PRKN: variants seen among roughly 807,000 people sequenced by gnomAD.
PRKN encodes the protein parkin RBR E3 ubiquitin protein ligase.
A neutral mutation model predicts 59.5 loss-of-function variants in PRKN; 56 were observed. The ratio of observed to expected loss-of-function variants is 0.94; its 90% CI spans 0.76 to 1.18. The LOEUF (loss-of-function observed/expected upper bound fraction) is 1.18. Ranked by LOEUF, PRKN falls within the 50% of genes most tolerant of loss-of-function variation. The pLI is 0.00. For missense variants in PRKN, 657 were observed against 596.4 expected, an observed-to-expected ratio of 1.10 and a Z score of -1.06; for synonymous variants, 250 against 222.1, an observed-to-expected ratio of 1.13 and a Z score of -1.12.
intron 1 of PRKN, among the ~76,000 whole-genome samples, chr6:162,586,749 CAT>C (rs1371614421): frequency 6.7e-6 from 1 of 149,934 alleles, no homozygotes; most frequent in Admixed American, 6.7e-5. Context: ...GTTCTGTAAA[CAT>C]GTGTTTGAAG....
intron 1 of PRKN, among the ~76,000 whole-genome samples, chr6:162,513,373 G>A (rs1302053587): frequency 3.3e-5 from 5 of 151,990 alleles, no homozygotes; most frequent in African/African-American, 7.3e-5. Flanking sequence ...CAGGTACTCC[G>A]GAGGCTGAGG....
At position 161,363,486 on chromosome 6, in the gene PRKN, G is replaced by A. The variant is rs963386926; in HGVS notation, c.1168-3281C>T. Among the ~76,000 whole-genome samples the A allele has an allele frequency of 1.3e-5, 2 of 152,144 alleles. No individual in the cohort carries two copies. The highest frequency in any genetic ancestry group is 4.8e-5 in the African/African-American group (2 of 41,426). ...GAGAATTTGTGAACTGAAAGATGGAGCTGAAGAAATTACATAAAATGCCAA... is the reference window on the plus strand; with the variant it reads ...GAGAATTTGTGAACTGAAAGATGGAACTGAAGAAATTACATAAAATGCCAA... On this transcript the variant is annotated intron_variant, in intron 10 of 11. Transcript: ENST00000366898. This position sits in a 1 kb window ranked among gnomAD's most constrained non-coding sequence, Gnocchi z 4.1.
chr6:161,856,555 T>A (rs1192043748), intron 6 of PRKN, among the ~76,000 whole-genome samples: 1 of 152,116 alleles, frequency 6.6e-6, no homozygotes, highest in African/African-American at 2.4e-5. Flanking sequence ...TAGTAGCACA[T>A]TTTTACCATA....
At chr6:162,023,163 C>A (rs1443602530) in intron 5 of PRKN, among the ~76,000 whole-genome samples, 1 of 152,012 alleles carries the variant, frequency 6.6e-6, no homozygotes, top group Non-Finnish European at 1.5e-5. Flanking sequence ...GGGCTCCCAC[C>A]CCACAGCAGT....
chr6:162,072,470 C>T (rs1778620274), intron 4 of PRKN, among the ~76,000 whole-genome samples: 1 of 152,112 alleles, frequency 6.6e-6, no homozygotes, highest in Admixed American at 6.6e-5. Context: ...ATTCCACAAG[C>T]CCTGAGCCTG....
chr6:162,672,716 G>A (rs868691330), intron 1 of PRKN, among the ~76,000 whole-genome samples: 17 of 141,052 alleles, frequency 1.2e-4, no homozygotes, highest in Middle Eastern at 3.5e-3. Flanking sequence ...GTGTGTGTGT[G>A]TGTATGCATG....
At position 162,020,014 on chromosome 6, in the gene PRKN, C is replaced by T. The variant is rs1219607559; in HGVS notation, c.618+34077G>A. Among the ~76,000 whole-genome samples the T allele has an allele frequency of 2.8e-5, 4 of 143,938 alleles. No individual in the cohort carries two copies. In the Admixed American group the frequency reaches 2.9e-4, roughly 10 times the overall value. The allele number at this position is 143,938 out of a possible 152,430, so 94.4% of individuals were successfully genotyped here. A position where few individuals can be genotyped will look rare whatever the true frequency, so the allele number is the denominator to read the frequency against. On this transcript the variant is annotated intron_variant, in intron 5 of 11. Coordinates refer to ENST00000366898, the MANE Select transcript of PRKN (RefSeq NM_004562.3). ...AGCCTGGGCGACAAGAGCAAAACTC[C>T]GTCTCAAAGGAAAAAAAAAAAATAT...
Position 161,661,149 on chromosome 6 carries a change from G to C in PRKN, c.872-91733C>G, listed in dbSNP as rs562324376. Among the ~76,000 whole-genome samples, 98 of 152,244 alleles carry C rather than the reference G, an allele frequency of 6.4e-4. 1 individual carries two copies. Among genetic ancestry groups the C allele is most frequent in the African/African-American group, 2.2e-3 (93 of 41,538 alleles). On this transcript the variant is annotated intron_variant, in intron 7 of 11. Coordinates refer to ENST00000366898, the MANE Select transcript of PRKN (RefSeq NM_004562.3). ...TCCAGCTACAGAATTCTCCCAGCAT[G>C]GTAGCCCCTAAAGTAAGGTCTGACT...
At chr6:162,216,164 C>A (rs931769586) in intron 3 of PRKN, among the ~76,000 whole-genome samples, 1 of 152,146 alleles carries the variant, frequency 6.6e-6, no homozygotes, top group Non-Finnish European at 1.5e-5. Flanking sequence ...TCTGAAAGGC[C>A]ATCTTCACTT....
At chr6:161,759,198 CAA>C (rs775955035) in intron 7 of PRKN, among the ~76,000 whole-genome samples, 4 of 151,068 alleles carry the variant, frequency 2.6e-5, no homozygotes, top group Non-Finnish European at 3.0e-5. Flanking sequence ...AAAATTAAAA[CAA>C]GAGATAATCT....
intron 1 of PRKN, among the ~76,000 whole-genome samples, chr6:162,584,509 G>GA (rs768833047): frequency 9.2e-5 from 14 of 151,884 alleles, no homozygotes; most frequent in Non-Finnish European, 1.9e-4. Flanking sequence ...GTCCAGCCAG[G>GA]AAAAAATAAT....
intron 1 of PRKN, among the ~76,000 whole-genome samples, chr6:162,517,756 T>C (rs1025188503): frequency 1.3e-5 from 2 of 152,022 alleles, no homozygotes; most frequent in African/African-American, 4.8e-5. Context: ...GGAATCATTC[T>C]GGTAAACTAA....
intron 4 of PRKN, among the ~76,000 whole-genome samples, chr6:162,113,632 T>C (rs1337476412): frequency 6.6e-6 from 1 of 152,226 alleles, no homozygotes; most frequent in Non-Finnish European, 1.5e-5. Context: ...AGTCAAATAC[T>C]TACTCCTTTT....
At chr6:162,058,326 A>G (rs894085616) in intron 4 of PRKN, among the ~76,000 whole-genome samples, 2 of 152,100 alleles carry the variant, frequency 1.3e-5, no homozygotes, top group African/African-American at 4.8e-5. Flanking sequence ...TAATTAGGTA[A>G]TTGTCGGGCC....
At chr6:162,334,577 A>C (rs1407882989) in intron 2 of PRKN, among the ~76,000 whole-genome samples, 2 of 152,220 alleles carry the variant, frequency 1.3e-5, no homozygotes, top group Non-Finnish European at 2.9e-5. Context: ...TGGTCACCCG[A>C]AAGATACACA....
At chr6:162,399,152 T>C (rs1047006907) in intron 2 of PRKN, among the ~76,000 whole-genome samples, 3 of 151,928 alleles carry the variant, frequency 2.0e-5, no homozygotes, top group African/African-American at 4.8e-5. Context: ...TTGGTGAAAC[T>C]CTAAAATGAA....
Position 162,380,461 on chromosome 6 carries a change from ATATATATGTGTG to A in PRKN, c.171+62837_171+62848del, listed in dbSNP as rs1421147970. ...TATATATATATGTATATATACACACATATATATGTGTGTATATATATGTATATATACACACAT... is the reference window on the plus strand; with the variant it reads ...TATATATATATGTATATATACACACATATATATATGTATATATACACACAT... On this transcript the variant is annotated intron_variant, in intron 2 of 11. Transcript: ENST00000366898. Among the ~76,000 whole-genome samples the A allele has an allele frequency of 2.1e-3, 147 of 71,474 alleles. 1 individual carries two copies. The highest frequency in any genetic ancestry group is 6.7e-3 in the Middle Eastern group (1 of 150). 46.9% of individuals were successfully genotyped at this position (71,474 alleles called of 152,430 possible).
intron 1 of PRKN, among the ~76,000 whole-genome samples, chr6:162,574,405 A>G (rs1780473047): frequency 6.6e-6 from 1 of 152,166 alleles, no homozygotes; most frequent in Non-Finnish European, 1.5e-5. Context: ...TTTTGAGGTT[A>G]TGCTGCCCAG....
intron 4 of PRKN, among the ~76,000 whole-genome samples, chr6:162,064,684 T>G (rs1778251316): frequency 6.6e-6 from 1 of 152,244 alleles, no homozygotes; most frequent in Non-Finnish European, 1.5e-5. Context: ...AATAATTAAG[T>G]CAGACTTTAA....
Sources: allele counts gnomAD v4.1 joint callset (sites outside exome capture counted in the v4.1 genomes callset), GRCh38; gene constraint gnomAD v4.1.1; non-coding constraint Gnocchi (gnomAD v3.1); transcripts MANE v1.5; gene names NCBI Gene and HGNC (gene_info 2026-07-23, HGNC 2026-07-21).